Variants in KCNQ1OT1 observed in about 807,000 individuals in gnomAD.
The protein encoded by KCNQ1OT1 is KCNQ1 antisense RNA 2 (non-protein coding).
exon 1 of KCNQ1OT1, chr11:2,699,563 C>A: frequency 3.1e-6 from 1 of 323,892 alleles, no homozygotes; most frequent in Admixed American, 5.7e-5. Flanking sequence ...CGGAGGAGAA[C>A]CATGCTGAGG....
At chr11:2,619,250 T>C (rs1256779602) in exon 1 of KCNQ1OT1, 2 of 398,464 alleles carry the variant, frequency 5.0e-6, no homozygotes, top group African/African-American at 4.1e-5. Context: ...CCTTGCCTTG[T>C]ACTGGTTCAT....
At chr11:2,614,567 T>G (rs2106467) in exon 1 of KCNQ1OT1, 255,579 of 398,208 alleles carry the variant, frequency 0.64, 83,349 homozygotes, top group East Asian at 0.86. Context: ...ATGCTATGAG[T>G]TATGGGTCCA....
In KCNQ1OT1 at chr11:2,661,907, C is replaced by T; in HGVS notation, n.38088G>A. 3.3e-5 allele frequency: 54 copies of T among 1,612,882 alleles called. No homozygotes were observed. The highest frequency in any genetic ancestry group is 4.3e-5 in the Non-Finnish European group (51 of 1,179,144). ...GGAGCTCACAGGCCTGGCTCCACAGCACTGGCAGGTTGGGTGGGAGGCCTA... is the reference window on the plus strand; with the variant it reads ...GGAGCTCACAGGCCTGGCTCCACAGTACTGGCAGGTTGGGTGGGAGGCCTA... On this transcript the variant is annotated non_coding_transcript_exon_variant, in exon 1 of 1. Transcript: ENST00000597346. This position sits in a 1 kb window ranked among gnomAD's most constrained non-coding sequence, Gnocchi z 5.9.
At position 2,634,320 on chromosome 11, in the gene KCNQ1OT1, TC is replaced by T. The variant is rs1195451890; in HGVS notation, n.65674del. ...ATCTCCTAATGCTTTCCCTCCCCCC[TC>T]CCCCCTCCCCCCCCACCCCACAACA... On this transcript the variant is annotated non_coding_transcript_exon_variant, in exon 1 of 1. Transcript: ENST00000597346. The T allele has an allele frequency of 2.6e-4, 43 of 165,140 alleles. No homozygotes were observed. In the East Asian group the frequency reaches 3.0e-3, roughly 12 times the overall value. The allele number at this position is 165,140 out of a possible 1,614,324, so 10.2% of individuals were successfully genotyped here.
At chr11:2,688,108 T>C in exon 1 of KCNQ1OT1, 1 of 398,846 alleles carries the variant, frequency 2.5e-6, no homozygotes, top group Non-Finnish European at 4.4e-6. Context: ...GCAGGGGACC[T>C]GGTGGGGGTG....
Position 2,669,021 on chromosome 11 carries a change from A to T in KCNQ1OT1, n.30974T>A, listed in dbSNP as rs1049459851. 6 of 398,542 alleles carry T rather than the reference A, an allele frequency of 1.5e-5. No individual in the cohort carries two copies. The East Asian group carries it at 1.8e-4, about 12-fold the overall frequency. The allele number at this position is 398,542 out of a possible 1,614,324, so 24.7% of individuals were successfully genotyped here. On this transcript the variant is annotated non_coding_transcript_exon_variant, in exon 1 of 1. Transcript: ENST00000597346. This position sits in a 1 kb window ranked among gnomAD's most constrained non-coding sequence, Gnocchi z 5.6. ...CCACTCTTCCCCTACTTGGATATCC[A>T]GTCTAGCTCAGCACCCGGCATGGGA...
rs1490786693 is a variant in KCNQ1OT1 at position 2,661,807 on chromosome 11, C to G, written n.38188G>C. On this transcript the variant is annotated non_coding_transcript_exon_variant, in exon 1 of 1. Transcript: ENST00000597346. This position sits in a 1 kb window ranked among gnomAD's most constrained non-coding sequence, Gnocchi z 5.9. ...GGGGCCATCTTAAACACCCACCCAC[C>G]CCAACACCCAACTATAAAACTGATT... 2.2e-6 allele frequency: 2 copies of G among 908,734 alleles called. No homozygotes were observed. Among genetic ancestry groups the G allele is most frequent in the Non-Finnish European group, 3.5e-6 (2 of 575,940 alleles). The allele number at this position is 908,734 out of a possible 1,614,324, so 56.3% of individuals were successfully genotyped here. A position where few individuals can be genotyped will look rare whatever the true frequency, so the allele number is the denominator to read the frequency against.
chr11:2,676,873 A>G lies in KCNQ1OT1; in HGVS notation n.23122T>C, dbSNP rs569209598. ...TCAGCTTTGACTGGGGAGCCCTTTC[A>G]TTTCTTAGTAAGTGTTCAGCCCCAG... On this transcript the variant is annotated non_coding_transcript_exon_variant, in exon 1 of 1. Coordinates refer to ENST00000597346, the Ensembl canonical transcript of KCNQ1OT1. This position sits in a 1 kb window ranked among gnomAD's most constrained non-coding sequence, Gnocchi z 4.2. 4 of 398,620 alleles carry G rather than the reference A, an allele frequency of 1.0e-5. No homozygotes were observed. The East Asian group carries it at 1.4e-4, about 14-fold the overall frequency. 24.7% of individuals were successfully genotyped at this position (398,620 alleles called of 1,614,324 possible).
chr11:2,624,928 T>C lies in KCNQ1OT1; in HGVS notation n.75067A>G, dbSNP rs138305774. ...GCATGTGTCAAAATTTCTATTTTTT[T>C]TAAAGCTGAATAATATTACATTGTA... On this transcript the variant is annotated non_coding_transcript_exon_variant, in exon 1 of 1. Coordinates refer to ENST00000597346, the Ensembl canonical transcript of KCNQ1OT1. This position sits in a 1 kb window ranked among gnomAD's most constrained non-coding sequence, Gnocchi z 4.9. The C allele has an allele frequency of 2.8e-3, 1,130 of 398,588 alleles. 10 individuals carry two copies. Among genetic ancestry groups the C allele is most frequent in the African/African-American group, 0.021 (1,018 of 48,748 alleles). The allele number at this position is 398,588 out of a possible 1,614,324, so 24.7% of individuals were successfully genotyped here.
exon 1 of KCNQ1OT1, chr11:2,632,981 G>T: frequency 2.5e-6 from 1 of 398,190 alleles, no homozygotes; most frequent in South Asian, 1.3e-4. Context: ...TAGTTTTTTT[G>T]ACAAAACACC....
rs1849227200 is a variant in KCNQ1OT1 at position 2,624,320 on chromosome 11, C to T, written n.75675G>A. 1 of 398,248 alleles carries T rather than the reference C, an allele frequency of 2.5e-6. No homozygotes were observed. Among genetic ancestry groups the T allele is most frequent in the Non-Finnish European group, 4.4e-6 (1 of 226,016 alleles). The allele number at this position is 398,248 out of a possible 1,614,324, so 24.7% of individuals were successfully genotyped here. ...GTTCTTTATATATTTTGGATGAGTC[C>T]TTTATCAGGTATATCTTTTACAAGT... On this transcript the variant is annotated non_coding_transcript_exon_variant, in exon 1 of 1. Transcript: ENST00000597346. The surrounding 1 kb of genome is among the most constrained non-coding windows in gnomAD (Gnocchi z 4.9).
At position 2,617,717 on chromosome 11, in the gene KCNQ1OT1, A is replaced by G. The variant is rs897243705; in HGVS notation, n.82278T>C. 2.5e-6 allele frequency: 1 copy of G among 398,416 alleles called. No individual in the cohort carries two copies. Among genetic ancestry groups the G allele is most frequent in the Non-Finnish European group, 4.4e-6 (1 of 226,020 alleles). 24.7% of individuals were successfully genotyped at this position (398,416 alleles called of 1,614,324 possible). ...GTTCCCTAACCCTAGCCAACACTTA[A>G]TAGCTATTCTCATGAGTGTGAGGTG... On this transcript the variant is annotated non_coding_transcript_exon_variant, in exon 1 of 1. Coordinates refer to ENST00000597346, the Ensembl canonical transcript of KCNQ1OT1. This position sits in a 1 kb window ranked among gnomAD's most constrained non-coding sequence, Gnocchi z 4.6.
rs369827753 is a variant in KCNQ1OT1 at position 2,617,698 on chromosome 11, T to A, written n.82297A>T. Reference sequence around the variant, plus strand: ...CCACCAACACTGTACAAGAGTTCCCTAACCCTAGCCAACACTTAATAGCTA... The same window carrying A: ...CCACCAACACTGTACAAGAGTTCCCAAACCCTAGCCAACACTTAATAGCTA... On this transcript the variant is annotated non_coding_transcript_exon_variant, in exon 1 of 1. Transcript: ENST00000597346. This position sits in a 1 kb window ranked among gnomAD's most constrained non-coding sequence, Gnocchi z 4.6. 5 of 398,356 alleles carry A rather than the reference T, an allele frequency of 1.3e-5. No homozygotes were observed. The highest frequency in any genetic ancestry group is 8.8e-5 in the Admixed American group (2 of 22,714). 24.7% of individuals were successfully genotyped at this position (398,356 alleles called of 1,614,324 possible). A position where few individuals can be genotyped will look rare whatever the true frequency, so the allele number is the denominator to read the frequency against.
In KCNQ1OT1 at chr11:2,687,645, T is replaced by A. The variant is rs754591523; in HGVS notation, n.12350A>T. 7 of 398,522 alleles carry A rather than the reference T, an allele frequency of 1.8e-5. No individual in the cohort carries two copies. Among genetic ancestry groups the A allele is most frequent in the Non-Finnish European group, 2.7e-5 (6 of 226,140 alleles). 24.7% of individuals were successfully genotyped at this position (398,522 alleles called of 1,614,324 possible). A position where few individuals can be genotyped will look rare whatever the true frequency, so the allele number is the denominator to read the frequency against. On this transcript the variant is annotated non_coding_transcript_exon_variant, in exon 1 of 1. Transcript: ENST00000597346. The surrounding 1 kb of genome is among the most constrained non-coding windows in gnomAD (Gnocchi z 5.0). ...ATTCCTCTCAGGCCCCTGTAAAAAT[T>A]GGGACCTGTCCTTGCCAGCCAGGTC...
In KCNQ1OT1 at chr11:2,678,870, C is replaced by T. The variant is rs1287617863; in HGVS notation, n.21125G>A. 1 of 398,462 alleles carries T rather than the reference C, an allele frequency of 2.5e-6. No individual in the cohort carries two copies. Among genetic ancestry groups the T allele is most frequent in the Non-Finnish European group, 4.4e-6 (1 of 226,066 alleles). 24.7% of individuals were successfully genotyped at this position (398,462 alleles called of 1,614,324 possible). On this transcript the variant is annotated non_coding_transcript_exon_variant, in exon 1 of 1. Transcript: ENST00000597346. The surrounding 1 kb of genome is among the most constrained non-coding windows in gnomAD (Gnocchi z 4.9). ...CAGGTCGGGGGTGCACAGGAGTTGC[C>T]AGCTGGACCCAAGGACCATTTCGTA...
chr11:2,624,960 T>G lies in KCNQ1OT1; in HGVS notation n.75035A>C, dbSNP rs1157126185. ...TGAATAATATTACATTGTATGTATA[T>G]ACCACATTTTGCTTATCCATTCTTC... On this transcript the variant is annotated non_coding_transcript_exon_variant, in exon 1 of 1. Transcript: ENST00000597346. This position sits in a 1 kb window ranked among gnomAD's most constrained non-coding sequence, Gnocchi z 4.9. The G allele has an allele frequency of 1.5e-5, 6 of 398,488 alleles. No homozygotes were observed. The highest frequency in any genetic ancestry group is 2.2e-5 in the Non-Finnish European group (5 of 226,072). The allele number at this position is 398,488 out of a possible 1,614,324, so 24.7% of individuals were successfully genotyped here. A position where few individuals can be genotyped will look rare whatever the true frequency, so the allele number is the denominator to read the frequency against.
At position 2,663,911 on chromosome 11, in the gene KCNQ1OT1, G is replaced by A; in HGVS notation, n.36084C>T. 2.5e-6 allele frequency: 1 copy of A among 398,724 alleles called. No individual in the cohort carries two copies. Among genetic ancestry groups the A allele is most frequent in the Non-Finnish European group, 4.4e-6 (1 of 226,118 alleles). 24.7% of individuals were successfully genotyped at this position (398,724 alleles called of 1,614,324 possible). ...CAAGCCAGTGTGGCTGTGTCATCTA[G>A]GACACTGGGCTGTTTCTTGTTCCAC... On this transcript the variant is annotated non_coding_transcript_exon_variant, in exon 1 of 1. Coordinates refer to ENST00000597346, the Ensembl canonical transcript of KCNQ1OT1. This position sits in a 1 kb window ranked among gnomAD's most constrained non-coding sequence, Gnocchi z 5.2.
rs570042279 is a variant in KCNQ1OT1 at position 2,671,364 on chromosome 11, G to A, written n.28631C>T. 34 of 398,502 alleles carry A rather than the reference G, an allele frequency of 8.5e-5. No individual in the cohort carries two copies. In the South Asian group the frequency reaches 4.3e-3, roughly 51 times the overall value. The allele number at this position is 398,502 out of a possible 1,614,324, so 24.7% of individuals were successfully genotyped here. On this transcript the variant is annotated non_coding_transcript_exon_variant, in exon 1 of 1. Transcript: ENST00000597346. This position sits in a 1 kb window ranked among gnomAD's most constrained non-coding sequence, Gnocchi z 4.7. The stretch of plus-strand genomic sequence containing the variant: ...CTGAAGATGACACTGGGAATATCCT[G>A]AAAAAGGTACAGGAACACCTGGCAT...
chr11:2,688,512 AGAG>A, exon 1 of KCNQ1OT1: 1 of 398,676 alleles, frequency 2.5e-6, no homozygotes, highest in Admixed American at 4.4e-5. Context: ...GTGATGAGGT[AGAG>A]GTCACACAGC....
Sources: gnomAD v4.1 joint callset for allele counts on GRCh38, gnomAD v4.1.1 for gene constraint, Gnocchi (gnomAD v3.1) non-coding constraint, MANE v1.5 for transcripts, NCBI Gene and HGNC (gene_info 2026-07-23, HGNC 2026-07-21) for gene names.